HDAC9: variants seen among roughly 807,000 people sequenced by gnomAD.
HDAC9 encodes histone deacetylase 9.
Under a neutral mutation model 139.4 loss-of-function variants are expected in HDAC9, and 41 were observed. The ratio of observed to expected loss-of-function variants is 0.29; its 90% CI spans 0.23 to 0.38. The LOEUF (loss-of-function observed/expected upper bound fraction) is 0.38. Ranked by LOEUF, HDAC9 falls within the 10% of genes least tolerant of loss-of-function variation. The pLI is 1.00. For synonymous variants in HDAC9, 517 were observed against 476.2 expected, an observed-to-expected ratio of 1.09 and a Z score of -1.12; for missense variants, 1,147 against 1,297.0, an observed-to-expected ratio of 0.88 and a Z score of 1.78.
intron 21 of HDAC9, among the ~76,000 whole-genome samples, chr7:18,842,132 G>C (rs1162119008): frequency 6.6e-6 from 1 of 152,092 alleles, no homozygotes; most frequent in African/African-American, 2.4e-5. Context: ...TTGTCAATGA[G>C]AGCTGTGGTT....
intron 2 of HDAC9, among the ~76,000 whole-genome samples, chr7:18,230,465 C>T (rs1160684755): frequency 6.6e-6 from 1 of 152,140 alleles, no homozygotes; most frequent in Non-Finnish European, 1.5e-5. Context: ...TGGTGAATTG[C>T]AAAGAAAAAT....
At chr7:18,264,505 G>A (rs898337260) in intron 2 of HDAC9, among the ~76,000 whole-genome samples, 51 of 152,092 alleles carry the variant, frequency 3.4e-4, no homozygotes, top group African/African-American at 1.2e-3. Flanking sequence ...TCACATTATG[G>A]CTTAAAAATA....
intron 21 of HDAC9, among the ~76,000 whole-genome samples, chr7:18,867,601 ACACGT>A (rs960980632): frequency 1.3e-5 from 2 of 152,124 alleles, no homozygotes; most frequent in Admixed American, 1.3e-4. Context: ...TTCTTTGAGG[ACACGT>A]TTTTTCTTTT....
chr7:18,873,206 G>C (rs1286819851), intron 21 of HDAC9, among the ~76,000 whole-genome samples: 1 of 151,998 alleles, frequency 6.6e-6, no homozygotes. Context: ...TTGTATTGAA[G>C]AAAAAACATA....
chr7:18,583,422 AT>A lies in HDAC9; in HGVS notation c.23-1856del, dbSNP rs202060944. Among the ~76,000 whole-genome samples the A allele has an allele frequency of 1.7e-3, 263 of 152,220 alleles. 1 individual carries two copies. The highest frequency in any genetic ancestry group is 0.013 in the Admixed American group (206 of 15,276). The stretch of plus-strand genomic sequence containing the variant: ...AAGCATTTTGTTTGGTTCCTGGAGT[AT>A]TTAAAGCTTTTGAAGAGCCTGGTGC... On this transcript the variant is annotated intron_variant, in intron 2 of 25. Coordinates refer to ENST00000686413, the MANE Select transcript of HDAC9 (RefSeq NM_178425.4).
intron 2 of HDAC9, chr7:18,162,444 C>A: frequency 2.1e-6 from 2 of 941,030 alleles, no homozygotes; most frequent in Non-Finnish European, 3.0e-6. Context: ...TATGAAGGAA[C>A]TTTTTTTTTT....
At chr7:18,556,284 T>G (rs1226831288) in intron 2 of HDAC9, among the ~76,000 whole-genome samples, 1 of 152,082 alleles carries the variant, frequency 6.6e-6, no homozygotes, top group Non-Finnish European at 1.5e-5. Context: ...TTACAAAGAT[T>G]TGTGTCATTT....
At chr7:18,903,787 C>T (rs960804520) in intron 22 of HDAC9, among the ~76,000 whole-genome samples, 3 of 152,266 alleles carry the variant, frequency 2.0e-5, no homozygotes, top group African/African-American at 4.8e-5. Context: ...TGTTAGTCAC[C>T]GTTAGTCGAG....
At chr7:18,450,532 T>C (rs904382574) in intron 1 of HDAC9, among the ~76,000 whole-genome samples, 1 of 152,188 alleles carries the variant, frequency 6.6e-6, no homozygotes, top group Non-Finnish European at 1.5e-5. Context: ...CAGACACTTT[T>C]AGTAATTTTG....
intron 2 of HDAC9, among the ~76,000 whole-genome samples, chr7:18,547,858 ACCCTCCCT>A (rs1166744165): frequency 0.068 from 1,801 of 26,464 alleles, 21 homozygotes; most frequent in Non-Finnish European, 0.1. Context: ...CTTCCTTCCT[ACCCTCCCT>A]CCCTCCCTCC....
intron 25 of HDAC9, among the ~76,000 whole-genome samples, chr7:18,991,491 G>A (rs1477670226): frequency 2.0e-5 from 3 of 152,110 alleles, no homozygotes; most frequent in Non-Finnish European, 4.4e-5. Flanking sequence ...CAAAAAATTA[G>A]CCAGGTGTGG....
At chr7:18,356,021 A>G (rs1783233851) in intron 1 of HDAC9, among the ~76,000 whole-genome samples, 1 of 152,184 alleles carries the variant, frequency 6.6e-6, no homozygotes, top group Non-Finnish European at 1.5e-5. Flanking sequence ...GTTTAAATGA[A>G]CTTTGAAATC....
chr7:18,718,052 G>T (rs867853589), intron 12 of HDAC9, among the ~76,000 whole-genome samples: 5 of 152,026 alleles, frequency 3.3e-5, no homozygotes, highest in Non-Finnish European at 5.9e-5. Context: ...ATTGACTGGT[G>T]CAACCATCAC....
At chr7:18,793,704 A>G (rs570824514) in intron 17 of HDAC9, among the ~76,000 whole-genome samples, 1 of 152,298 alleles carries the variant, frequency 6.6e-6, no homozygotes, top group South Asian at 2.1e-4. Context: ...AAGAGCACAG[A>G]GATAATAAGC....
chr7:18,961,690 T>C (rs1310658909), intron 24 of HDAC9, among the ~76,000 whole-genome samples: 1 of 152,208 alleles, frequency 6.6e-6, no homozygotes, highest in African/African-American at 2.4e-5. Context: ...TGAGGTACTA[T>C]TAAAAATTAA....
In HDAC9 at chr7:18,396,581, T is replaced by C. The variant is rs1226728491; in HGVS notation, c.-41-99681T>C. Among the ~76,000 whole-genome samples, 3 of 152,126 alleles carry C rather than the reference T, an allele frequency of 2.0e-5. No homozygotes were observed. In the East Asian group the frequency reaches 5.8e-4, roughly 29 times the overall value. On this transcript the variant is annotated intron_variant, in intron 1 of 3. Transcript: ENST00000413509. ...TTTTTACTTGAATTAGATTCTATCC[T>C]GGAAATTGTTTTAAGGGATAGAGGT...
chr7:18,224,467 A>G (rs1792915803), intron 2 of HDAC9, among the ~76,000 whole-genome samples: 1 of 152,200 alleles, frequency 6.6e-6, no homozygotes, highest in African/African-American at 2.4e-5. Context: ...CAACATGGAA[A>G]TAGGCAGGAA....
chr7:18,957,516 TTCC>T (rs1487385432), intron 24 of HDAC9, among the ~76,000 whole-genome samples: 1 of 152,190 alleles, frequency 6.6e-6, no homozygotes, highest in African/African-American at 2.4e-5. Flanking sequence ...CCTAATTGTG[TTCC>T]TCGTTTCCCC....
intron 21 of HDAC9, among the ~76,000 whole-genome samples, chr7:18,870,910 G>A (rs1798869029): frequency 6.6e-6 from 1 of 152,136 alleles, no homozygotes; most frequent in African/African-American, 2.4e-5. Flanking sequence ...CAATTCTCCT[G>A]CCTTGGCTTC....
Sources: allele counts gnomAD v4.1 joint callset (sites outside exome capture counted in the v4.1 genomes callset), GRCh38; gene constraint gnomAD v4.1.1; transcripts MANE v1.5; gene names NCBI Gene and HGNC (gene_info 2026-07-23, HGNC 2026-07-21).